Variants in BCL2 observed in about 807,000 individuals in gnomAD.
BCL2 encodes the protein BCL2 apoptosis regulator.
A neutral mutation model predicts 14.2 loss-of-function variants in BCL2; 1 was observed. The observed-to-expected ratio is 0.07, with a 90% CI of 0.02 to 0.33. BCL2 has a LOEUF of 0.33. Among genes scored for constraint, BCL2 ranks in the 10% least tolerant of loss-of-function variants. The pLI, the probability that BCL2 is intolerant of heterozygous loss-of-function variation, is 0.99. For synonymous variants in BCL2, 151 were observed against 137.2 expected (o/e 1.10, Z -0.70); for missense variants, 247 against 305.9 (o/e 0.81, Z 1.44).
At chr18:63,261,637 T>C (rs992631698) in intron 2 of BCL2, among the ~76,000 whole-genome samples, 1 of 152,180 alleles carries the variant, frequency 6.6e-6, no homozygotes, top group Admixed American at 6.5e-5. Flanking sequence ...ACCATATTTA[T>C]ATTATACTAC....
At chr18:63,182,920 C>T (rs983100169) in intron 2 of BCL2, among the ~76,000 whole-genome samples, 1 of 152,150 alleles carries the variant, frequency 6.6e-6, no homozygotes, top group Non-Finnish European at 1.5e-5. Flanking sequence ...CAGGGGAGAG[C>T]AGGATGGAAA....
intron 2 of BCL2, among the ~76,000 whole-genome samples, chr18:63,263,547 A>G (rs1458136151): frequency 6.6e-6 from 1 of 152,146 alleles, no homozygotes; most frequent in Admixed American, 6.6e-5. Flanking sequence ...CCTAACCAGA[A>G]AGACAACTCA....
intron 2 of BCL2, among the ~76,000 whole-genome samples, chr18:63,228,907 G>A (rs1301379220): frequency 6.6e-6 from 1 of 152,092 alleles, no homozygotes; most frequent in Admixed American, 6.6e-5. Flanking sequence ...ATAAGGTTTC[G>A]CCATGTTGGC....
intron 2 of BCL2, among the ~76,000 whole-genome samples, chr18:63,146,388 G>A (rs1914512913): frequency 6.6e-6 from 1 of 152,226 alleles, no homozygotes; most frequent in Non-Finnish European, 1.5e-5. Context: ...GGCTGTCCCT[G>A]AGCCCCCCAA....
At chr18:63,188,657 T>C (rs1163805002) in intron 2 of BCL2, among the ~76,000 whole-genome samples, 5 of 152,272 alleles carry the variant, frequency 3.3e-5, no homozygotes, top group Non-Finnish European at 7.4e-5. Context: ...TAATACTATG[T>C]ATACATCAAC....
At chr18:63,272,333 C>G (rs1000140970) in intron 2 of BCL2, among the ~76,000 whole-genome samples, 3 of 152,204 alleles carry the variant, frequency 2.0e-5, no homozygotes, top group Non-Finnish European at 4.4e-5. Context: ...CTGGCCATTA[C>G]AGGAGGTATG....
intron 2 of BCL2, among the ~76,000 whole-genome samples, chr18:63,225,638 G>A (rs1282833568): frequency 2.0e-5 from 3 of 152,202 alleles, no homozygotes; most frequent in Non-Finnish European, 4.4e-5. Flanking sequence ...TGGAGTGCAT[G>A]GGCGCTGGAA....
At chr18:63,302,678 C>T (rs1184985085) in intron 2 of BCL2, 1 of 984,364 alleles carries the variant, frequency 1.0e-6, no homozygotes, top group Non-Finnish European at 1.2e-6. Context: ...TGTTTCATAA[C>T]ACAAGAGATA....
chr18:63,146,403 T>C (rs3943258), intron 2 of BCL2, among the ~76,000 whole-genome samples: 80,357 of 152,004 alleles, frequency 0.53, 21,400 homozygotes, highest in East Asian at 0.63. Context: ...CCCCAAGAAA[T>C]GGAGCGAGGT....
chr18:63,240,922 T>A (rs1910983489), intron 2 of BCL2, among the ~76,000 whole-genome samples: 1 of 152,228 alleles, frequency 6.6e-6, no homozygotes, highest in South Asian at 2.1e-4. Flanking sequence ...ACTGAAAGAA[T>A]GAACAAACGA....
intron 2 of BCL2, among the ~76,000 whole-genome samples, chr18:63,266,333 C>G (rs1911821858): frequency 6.6e-6 from 1 of 151,034 alleles, no homozygotes; most frequent in Non-Finnish European, 1.5e-5. Flanking sequence ...GCAGAATAGG[C>G]TATCATAAAT....
rs34022610 is a variant in BCL2 at position 63,133,319 on chromosome 18, A to ATTTTTTTTTT, written c.586-4570_586-4561dup. The stretch of plus-strand genomic sequence containing the variant: ...CCTTTTCCGTTCAGAACCTTCAAGA[A>ATTTTTTTTTT]TTTTTTTTTTTTTTTTTTTTTGAGA... On this transcript the variant is annotated intron_variant, in intron 2 of 2. Transcript: ENST00000333681. 5.4e-3 allele frequency among the ~76,000 whole-genome samples: 560 copies of ATTTTTTTTTT among 103,328 alleles called. 24 individuals carry two copies. The highest frequency in any genetic ancestry group is 0.015 in the African/African-American group (413 of 27,678). 67.8% of individuals were successfully genotyped at this position (103,328 alleles called of 152,430 possible). A position where few individuals can be genotyped will look rare whatever the true frequency, so the allele number is the denominator to read the frequency against.
intron 2 of BCL2, among the ~76,000 whole-genome samples, chr18:63,222,741 C>G (rs1325729816): frequency 6.6e-6 from 1 of 152,118 alleles, no homozygotes; most frequent in Non-Finnish European, 1.5e-5. Context: ...ATATGGCTTT[C>G]ACCTGAAACG....
At chr18:63,317,530 A>G in intron 2 of BCL2, 1 of 984,078 alleles carries the variant, frequency 1.0e-6, no homozygotes, top group East Asian at 1.1e-4. Context: ...AAAGACTTAC[A>G]TTGGTTTTCC....
chr18:63,141,990 T>A (rs571742831), intron 2 of BCL2, among the ~76,000 whole-genome samples: 8 of 152,252 alleles, frequency 5.3e-5, no homozygotes, highest in Non-Finnish European at 1.2e-4. Context: ...TGAAAGCAGA[T>A]GCTTGTTAAG....
intron 2 of BCL2, among the ~76,000 whole-genome samples, chr18:63,276,291 C>T (rs957046124): frequency 2.0e-5 from 3 of 152,174 alleles, no homozygotes; most frequent in African/African-American, 7.2e-5. Flanking sequence ...CTTCACTTCC[C>T]TGATCCAAAC....
chr18:63,268,966 A>T (rs1277043909), intron 2 of BCL2, among the ~76,000 whole-genome samples: 1 of 150,212 alleles, frequency 6.7e-6, no homozygotes, highest in Non-Finnish European at 1.5e-5. Flanking sequence ...TTTTTTTTTT[A>T]AATACAGAGT....
chr18:63,210,693 T>A (rs1335687365), intron 2 of BCL2, among the ~76,000 whole-genome samples: 1 of 152,240 alleles, frequency 6.6e-6, no homozygotes. Context: ...AATGAGTTTA[T>A]CTAGCCCATA....
At chr18:63,278,733 A>C (rs371276563) in intron 2 of BCL2, among the ~76,000 whole-genome samples, 1 of 152,182 alleles carries the variant, frequency 6.6e-6, no homozygotes, top group African/African-American at 2.4e-5. Context: ...TCCTTGAATA[A>C]AGTCTTCTCT....
Sources: allele counts gnomAD v4.1 joint callset (sites outside exome capture counted in the v4.1 genomes callset), GRCh38; gene constraint gnomAD v4.1.1; transcripts MANE v1.5; gene names NCBI Gene and HGNC (gene_info 2026-07-23, HGNC 2026-07-21).